Variants in VRK1 observed in about 807,000 individuals in gnomAD.
The protein encoded by VRK1 is serine/threonine-protein kinase VRK1.
Under a neutral mutation model 57.1 loss-of-function variants are expected in VRK1, and 33 were observed. That is an observed-to-expected ratio of 0.58 (90% confidence interval 0.44 to 0.77). The LOEUF (loss-of-function observed/expected upper bound fraction) is 0.77, where lower values mean the gene tolerates loss of function less well. Ranked by LOEUF, VRK1 falls within the 30% of genes least tolerant of loss-of-function variation. The pLI is 0.00. For synonymous variants in VRK1, 137 were observed against 147.8 expected, an observed-to-expected ratio of 0.93 and a Z score of 0.53; for missense variants, 413 against 477.3, an observed-to-expected ratio of 0.87 and a Z score of 1.25.
chr14:96,812,382 G>C (rs1231772406), intron 1 of VRK1, among the ~76,000 whole-genome samples: 1 of 152,088 alleles, frequency 6.6e-6, no homozygotes, highest in Non-Finnish European at 1.5e-5. Context: ...AATCTGTAAG[G>C]ATTCAGATCT....
At chr14:96,852,740 T>C (rs1887999410) in intron 5 of VRK1, 91 bp from the exon 6 acceptor site, 1 of 879,032 alleles carries the variant, frequency 1.1e-6, no homozygotes, top group African/African-American at 1.7e-5. Context: ...TACTAAACAT[T>C]GTCTTGAAAA....
chr14:96,816,188 G>C (rs1886386347), intron 1 of VRK1, among the ~76,000 whole-genome samples: 1 of 152,140 alleles, frequency 6.6e-6, no homozygotes, highest in African/African-American at 2.4e-5. Context: ...CTGATGTTCA[G>C]AAGCCTCACC....
chr14:96,836,378 C>T (rs372477023), intron 2 of VRK1, among the ~76,000 whole-genome samples: 13 of 152,190 alleles, frequency 8.5e-5, no homozygotes, highest in African/African-American at 2.4e-4. Context: ...CAGCCAAAAC[C>T]TTTATGTTAC....
chr14:96,834,955 G>A (rs1394997839), intron 2 of VRK1, among the ~76,000 whole-genome samples: 1 of 152,078 alleles, frequency 6.6e-6, no homozygotes, highest in African/African-American at 2.4e-5. Context: ...AAAAAAATAG[G>A]TTCTTCATTT....
intron 1 of VRK1, among the ~76,000 whole-genome samples, chr14:96,830,256 C>T (rs1886952339): frequency 6.6e-6 from 1 of 152,162 alleles, no homozygotes; most frequent in Non-Finnish European, 1.5e-5. Flanking sequence ...AAATGAAGTT[C>T]AGGAAAGTTT....
chr14:96,844,456 G>C (rs970189901), intron 3 of VRK1, among the ~76,000 whole-genome samples: 1 of 152,188 alleles, frequency 6.6e-6, no homozygotes, highest in African/African-American at 2.4e-5. Context: ...TGTGATCCAA[G>C]TGTTAATGTG....
chr14:96,804,124 C>A (rs1595634973), intron 1 of VRK1, among the ~76,000 whole-genome samples: 1 of 152,078 alleles, frequency 6.6e-6, no homozygotes, highest in East Asian at 1.9e-4. Context: ...CTCATTTTTT[C>A]TTCTGTTTTA....
chr14:96,852,084 C>G (rs116623371), intron 5 of VRK1, among the ~76,000 whole-genome samples: 295 of 152,292 alleles, frequency 1.9e-3, no homozygotes, highest in African/African-American at 6.9e-3. Context: ...ATAGGTGATG[C>G]TTTTCTGTAC....
chr14:96,879,075 ATTTCCTACTTTTTT>A (rs1409541789), intron 12 of VRK1, among the ~76,000 whole-genome samples: 9 of 152,098 alleles, frequency 5.9e-5, no homozygotes, highest in Non-Finnish European at 1.2e-4. Context: ...CTACAAAGAA[ATTTCCTACTTTTTT>A]TTTCCTACTG....
intron 3 of VRK1, among the ~76,000 whole-genome samples, chr14:96,843,480 A>G (rs917465072): frequency 2.0e-5 from 3 of 152,202 alleles, no homozygotes; most frequent in African/African-American, 7.2e-5. Flanking sequence ...TTTAATTCAT[A>G]TATCATAATT....
intron 1 of VRK1, among the ~76,000 whole-genome samples, chr14:96,800,247 G>T (rs573833758): frequency 1.3e-5 from 2 of 151,840 alleles, no homozygotes; most frequent in South Asian, 4.2e-4. Context: ...TTTCCCTTTG[G>T]TGCTTGAATG....
At chr14:96,812,315 C>T (rs4905546) in intron 1 of VRK1, among the ~76,000 whole-genome samples, 94,886 of 151,884 alleles carry the variant, frequency 0.62, 30,480 homozygotes, top group African/African-American at 0.69. Context: ...TCTTTAAGTT[C>T]TTTAGGGACT....
intron 1 of VRK1, among the ~76,000 whole-genome samples, chr14:96,818,754 G>A (rs186084803): frequency 1.7e-4 from 26 of 152,102 alleles, no homozygotes; most frequent in African/African-American, 6.3e-4. Context: ...GGAACCTGGG[G>A]GCAGTTTCCT....
chr14:96,880,597 A>G (rs1178134143), intron 12 of VRK1, among the ~76,000 whole-genome samples: 2 of 152,204 alleles, frequency 1.3e-5, no homozygotes, highest in African/African-American at 4.8e-5. Flanking sequence ...TACTGTCATA[A>G]AGGACTTAGA....
chr14:96,843,953 T>C (rs528304377), intron 3 of VRK1, among the ~76,000 whole-genome samples: 57 of 152,282 alleles, frequency 3.7e-4, no homozygotes, highest in Non-Finnish European at 7.4e-4. Flanking sequence ...TAATAAATTA[T>C]TGCCTGAAGG....
chr14:96,856,084 T>G lies in VRK1; in HGVS notation c.710-46T>G, dbSNP rs766246488. On this transcript the variant is annotated intron_variant, in intron 8 of 12. Transcript: ENST00000216639. ...TTTATATATACTTTAAATTATACAT[T>G]AAAAATTATTTCAGTCTACCTAATG... The G allele has an allele frequency of 2.5e-6, 4 of 1,603,296 alleles. No homozygotes were observed. In the African/African-American group the frequency reaches 5.4e-5, roughly 21 times the overall value.
chr14:96,877,482 C>G, intron 12 of VRK1: 3 of 1,289,126 alleles, frequency 2.3e-6, no homozygotes, highest in Non-Finnish European at 3.0e-6. Context: ...TTTCCCCTGT[C>G]TTGTTCATTT....
At chr14:96,845,201 G>T (rs1345321060) in intron 3 of VRK1, among the ~76,000 whole-genome samples, 1 of 29,168 alleles carries the variant, frequency 3.4e-5, no homozygotes, top group African/African-American at 8.4e-5. Flanking sequence ...AGTTTTCACT[G>T]CTTTAAAAAC....
chr14:96,821,480 T>C (rs1417632112), intron 1 of VRK1, among the ~76,000 whole-genome samples: 1 of 152,214 alleles, frequency 6.6e-6, no homozygotes, highest in East Asian at 1.9e-4. Flanking sequence ...TCTTAGGTTA[T>C]TCTATACCCC....
Sources: allele counts gnomAD v4.1 joint callset (sites outside exome capture counted in the v4.1 genomes callset), GRCh38; gene constraint gnomAD v4.1.1; transcripts MANE v1.5; gene names NCBI Gene and HGNC (gene_info 2026-07-23, HGNC 2026-07-21).